The following SNX29 variants were observed in gnomAD, a reference collection of about 807,000 sequenced individuals.
SNX29 encodes sorting nexin 29, also known as sorting nexin-29.
In SNX29, 78 loss-of-function variants were observed where a neutral mutation model predicts 102.1. The ratio of observed to expected loss-of-function variants is 0.76; its 90% CI spans 0.64 to 0.92. The LOEUF (loss-of-function observed/expected upper bound fraction) is 0.92, where lower values mean the gene tolerates loss of function less well. Among genes scored for constraint, SNX29 ranks in the 40% least tolerant of loss-of-function variants. The pLI, the probability that SNX29 is intolerant of heterozygous loss-of-function variation, is 0.00. For missense variants in SNX29, 1,280 were observed against 1,061.7 expected (o/e 1.21, Z -2.86); for synonymous variants, 580 against 414.5 (o/e 1.40, Z -4.85).
At chr16:12,406,769 G>A (rs1597265993) in intron 18 of SNX29, among the ~76,000 whole-genome samples, 1 of 152,088 alleles carries the variant, frequency 6.6e-6, no homozygotes, top group Non-Finnish European at 1.5e-5. Flanking sequence ...TTAGCTGAGC[G>A]TTGCTGTTGC....
intron 18 of SNX29, among the ~76,000 whole-genome samples, chr16:12,411,436 C>A (rs1407872728): frequency 6.6e-6 from 1 of 152,206 alleles, no homozygotes; most frequent in East Asian, 1.9e-4. Flanking sequence ...TCAGGGCTCC[C>A]AGGAAAGCCT....
chr16:12,400,487 C>T (rs558470896), intron 17 of SNX29, among the ~76,000 whole-genome samples: 88 of 152,296 alleles, frequency 5.8e-4, no homozygotes, highest in African/African-American at 2.0e-3. Context: ...AGACTCAGTG[C>T]TCTCCACAAA....
chr16:12,571,702 G>A lies in SNX29; in HGVS notation c.*3073G>A, dbSNP rs192623658. ...TGTCTCTCCTTGAGAGACAACAAAA[G>A]CTTCTAAGGGAGGGAGCTTAAAGGC... On this transcript the variant is annotated 3_prime_UTR_variant, in exon 21 of 21. Transcript: ENST00000566228. The A allele has an allele frequency of 3.3e-5, 35 of 1,059,546 alleles. No homozygotes were observed. The highest frequency in any genetic ancestry group is 5.4e-5 in the Admixed American group (1 of 18,554). 65.6% of individuals were successfully genotyped at this position (1,059,546 alleles called of 1,614,324 possible).
At chr16:12,252,251 C>T (rs1441060495) in intron 14 of SNX29, among the ~76,000 whole-genome samples, 1 of 151,674 alleles carries the variant, frequency 6.6e-6, no homozygotes, top group East Asian at 1.9e-4. Flanking sequence ...AAATGAAACT[C>T]TTCCTCTTCC....
At chr16:12,478,530 G>C (rs147778632) in intron 19 of SNX29, among the ~76,000 whole-genome samples, 1 of 152,208 alleles carries the variant, frequency 6.6e-6, no homozygotes, top group Non-Finnish European at 1.5e-5. Flanking sequence ...CTCATTGGTT[G>C]ATTAATATTA....
At chr16:12,100,071 C>T (rs772863311) in intron 11 of SNX29, among the ~76,000 whole-genome samples, 7 of 152,182 alleles carry the variant, frequency 4.6e-5, no homozygotes, top group Non-Finnish European at 1.0e-4. Context: ...ACTTGTCCAG[C>T]ATAGGGAGTC....
At chr16:12,237,936 G>C (rs376645394) in intron 14 of SNX29, among the ~76,000 whole-genome samples, 1 of 152,092 alleles carries the variant, frequency 6.6e-6, no homozygotes, top group Non-Finnish European at 1.5e-5. Flanking sequence ...TAAAAGATGG[G>C]GCCTGAGGTG....
intron 1 of SNX29, among the ~76,000 whole-genome samples, chr16:11,989,400 T>G (rs2055756219): frequency 1.3e-5 from 2 of 152,234 alleles, no homozygotes; most frequent in South Asian, 4.1e-4. Context: ...CTTTCCATTG[T>G]GTGCTGGCAG....
Position 12,571,009 on chromosome 16 carries a change from G to C in SNX29, c.*2380G>C, listed in dbSNP as rs568959765. The C allele has an allele frequency of 3.4e-5, 8 of 232,630 alleles. No homozygotes were observed. The highest frequency in any genetic ancestry group is 6.6e-5 in the African/African-American group (3 of 45,404). 14.4% of individuals were successfully genotyped at this position (232,630 alleles called of 1,614,324 possible). On this transcript the variant is annotated 3_prime_UTR_variant, in exon 21 of 21. Coordinates refer to ENST00000566228, the MANE Select transcript of SNX29 (RefSeq NM_032167.5). ...ATGATCATGCACAGACCGTAGAGTC[G>C]AGTCATCTCGCAGATCCAGACCATC...
chr16:12,418,425 A>G (rs1267580718), intron 18 of SNX29, among the ~76,000 whole-genome samples: 1 of 152,116 alleles, frequency 6.6e-6, no homozygotes, highest in East Asian at 1.9e-4. Flanking sequence ...AGAAGGAGAA[A>G]GGGACCTGTT....
intron 18 of SNX29, among the ~76,000 whole-genome samples, chr16:12,474,376 CAG>C (rs1195307563): frequency 6.6e-6 from 1 of 152,090 alleles, no homozygotes; most frequent in Non-Finnish European, 1.5e-5. Flanking sequence ...GAGTTTGTAT[CAG>C]AGGTCCAGAC....
chr16:12,477,873 CTGGGAAGCCCA>C lies in SNX29; in HGVS notation c.2178+15_2178+25del, dbSNP rs2087728871. 1.3e-6 allele frequency: 2 copies of C among 1,569,872 alleles called. No individual in the cohort carries two copies. Among genetic ancestry groups the C allele is most frequent in the South Asian group, 2.4e-5 (2 of 84,210 alleles). ...ATTGGAAACAAGGTACCATCCCGTG[CTGGGAAGCCCA>C]CTTGTCACTGCCTGCGTTAAAATGG... On this transcript the variant is annotated intron_variant, in intron 19 of 20. Coordinates refer to ENST00000566228, the MANE Select transcript of SNX29 (RefSeq NM_032167.5).
rs566834209 is a variant in SNX29, at chr16:12,275,717, C to G, written c.1679-2216C>G. On this transcript the variant is annotated intron_variant, in intron 14 of 20. Coordinates refer to ENST00000566228, the MANE Select transcript of SNX29 (RefSeq NM_032167.5). ...CTTTTTTTTTTTTTGTGAGCGATGT[C>G]TTTATAAAAACCTTTTTTTGCTTTT... Among the ~76,000 whole-genome samples the G allele has an allele frequency of 6.5e-5, 9 of 139,436 alleles. 1 individual carries two copies. The highest frequency in any genetic ancestry group is 2.1e-4 in the African/African-American group (8 of 37,498). 91.5% of individuals were successfully genotyped at this position (139,436 alleles called of 152,430 possible). A position where few individuals can be genotyped will look rare whatever the true frequency, so the allele number is the denominator to read the frequency against.
intron 18 of SNX29, among the ~76,000 whole-genome samples, chr16:12,416,204 G>A (rs148986648): frequency 5.9e-5 from 9 of 152,100 alleles, no homozygotes; most frequent in East Asian, 1.9e-4. Flanking sequence ...CTTAAACGTC[G>A]AGTCCCTCTC....
chr16:12,387,284 C>G (rs1013727413), intron 16 of SNX29, among the ~76,000 whole-genome samples: 5 of 152,148 alleles, frequency 3.3e-5, no homozygotes, highest in Non-Finnish European at 7.3e-5. Flanking sequence ...ACCGAATGGT[C>G]CTAGGAGAGG....
chr16:12,313,158 C>T (rs2080618584), intron 15 of SNX29, among the ~76,000 whole-genome samples: 1 of 151,894 alleles, frequency 6.6e-6, no homozygotes, highest in Non-Finnish European at 1.5e-5. Context: ...GGACTATAGG[C>T]GCCCACCACC....
chr16:12,541,397 G>GTACAGATAAAGAAACTGAGGCTC (rs2077333356), intron 20 of SNX29, among the ~76,000 whole-genome samples: 1 of 152,126 alleles, frequency 6.6e-6, no homozygotes, highest in African/African-American at 2.4e-5. Context: ...CAGGCTCATT[G>GTACAGATAAAGAAACTGAGGCTC]TACAGATAAA....
intron 6 of SNX29, 31 bp downstream of exon 6, chr16:12,046,485 C>T: frequency 6.2e-7 from 1 of 1,610,584 alleles, no homozygotes; most frequent in Non-Finnish European, 8.5e-7. Context: ...GGTGCAGGGC[C>T]TTGTGACACT....
At chr16:12,334,377 G>A (rs1337513593) in intron 15 of SNX29, among the ~76,000 whole-genome samples, 3 of 152,228 alleles carry the variant, frequency 2.0e-5, no homozygotes, top group East Asian at 3.9e-4. Context: ...TCCTGTGTAG[G>A]TGAGTCCCAC....
Sources: gnomAD v4.1 joint callset for allele counts (sites outside exome capture counted in the v4.1 genomes callset) on GRCh38, gnomAD v4.1.1 for gene constraint, MANE v1.5 for transcripts, NCBI Gene and HGNC (gene_info 2026-07-23, HGNC 2026-07-21) for gene names.